Variants in UGT1A10 observed in about 807,000 individuals in gnomAD.
The protein encoded by UGT1A10 is UDP-glucuronosyltransferase 1A10.
A neutral mutation model predicts 45.8 loss-of-function variants in UGT1A10; 49 were observed. The observed-to-expected ratio is 1.07, with a 90% CI of 0.85 to 1.36. The LOEUF (loss-of-function observed/expected upper bound fraction) is 1.36, where lower values mean the gene tolerates loss of function less well. Among genes scored for constraint, UGT1A10 ranks in the 40% most tolerant of loss-of-function variants. The pLI is 0.00. For synonymous variants in UGT1A10, 284 were observed against 249.7 expected (o/e 1.14, Z -1.29); for missense variants, 745 against 668.6 (o/e 1.11, Z -1.26).
chr2:233,743,757 C>T, intron 1 of UGT1A10: 2 of 1,367,374 alleles, frequency 1.5e-6, no homozygotes, highest in Non-Finnish European at 2.0e-6. Flanking sequence ...GACAACACCT[C>T]GTAGGCCTCG....
intron 1 of UGT1A10, among the ~76,000 whole-genome samples, chr2:233,684,036 T>A (rs1038069195): frequency 2.6e-5 from 4 of 152,206 alleles, no homozygotes; most frequent in Admixed American, 6.5e-5. Context: ...AGTTGCTAAA[T>A]CCAGGTGAAA....
chr2:233,703,301 T>C (rs2075730919), intron 1 of UGT1A10, among the ~76,000 whole-genome samples: 1 of 150,038 alleles, frequency 6.7e-6, no homozygotes, highest in Non-Finnish European at 1.5e-5. Flanking sequence ...ATTCCCTCTT[T>C]CATTTCATAT....
intron 1 of UGT1A10, among the ~76,000 whole-genome samples, chr2:233,667,798 C>T (rs2074108403): frequency 6.6e-6 from 1 of 152,158 alleles, no homozygotes; most frequent in Non-Finnish European, 1.5e-5. Flanking sequence ...TCATCACTGG[C>T]CATCTGAGAA....
chr2:233,768,579 CTTCT>C (rs1699650824), intron 4 of UGT1A10, 140 bp downstream of exon 4: 12 of 934,830 alleles, frequency 1.3e-5, no homozygotes, highest in African/African-American at 2.0e-5. Flanking sequence ...ATTTTTATTT[CTTCT>C]TTTTTTTTTT....
Position 233,638,136 on chromosome 2 carries a change from A to G in UGT1A10, c.855+759A>G, listed in dbSNP as rs576008074. ...GTTTTCCTGAATTGAGAAGACTGGC[A>G]TCTTTTTGCTATTAAGTCTTCCTGT... On this transcript the variant is annotated intron_variant, in intron 1 of 4. Coordinates refer to ENST00000344644, the MANE Select transcript of UGT1A10 (RefSeq NM_019075.4). Among the ~76,000 whole-genome samples, 6 of 152,298 alleles carry G rather than the reference A, an allele frequency of 3.9e-5. No individual in the cohort carries two copies. The South Asian group carries it at 8.3e-4, about 21-fold the overall frequency.
At chr2:233,704,471 C>A (rs1485510599) in intron 1 of UGT1A10, among the ~76,000 whole-genome samples, 1 of 152,068 alleles carries the variant, frequency 6.6e-6, no homozygotes, top group Admixed American at 6.6e-5. Context: ...TATTTCCTTT[C>A]TCCCCTTTTT....
At chr2:233,747,178 G>A (rs1378396151) in intron 1 of UGT1A10, 1 of 1,600,996 alleles carries the variant, frequency 6.2e-7, no homozygotes, top group African/African-American at 1.3e-5. Context: ...GGCACAGCGT[G>A]GGGTGGACAG....
chr2:233,747,283 C>A (rs1693610010), intron 1 of UGT1A10: 1 of 1,600,180 alleles, frequency 6.2e-7, no homozygotes, highest in Admixed American at 1.7e-5. Flanking sequence ...CAGTGCCCAG[C>A]CCTGGGCTGA....
intron 1 of UGT1A10, chr2:233,689,856 A>G (rs2074962856): frequency 2.2e-6 from 1 of 455,870 alleles, no homozygotes; most frequent in Admixed American, 2.4e-5. Flanking sequence ...GTTTTAGGCT[A>G]CTATTACCTT....
At chr2:233,746,798 G>A (rs1477118047) in intron 1 of UGT1A10, among the ~76,000 whole-genome samples, 2 of 151,768 alleles carry the variant, frequency 1.3e-5, no homozygotes, top group East Asian at 1.9e-4. Context: ...ATTCATGAGC[G>A]TGAATGTGGA....
At chr2:233,713,005 T>C (rs1170643319) in intron 1 of UGT1A10, 6 of 1,613,446 alleles carry the variant, frequency 3.7e-6, no homozygotes, top group Non-Finnish European at 5.1e-6. Flanking sequence ...GCCACAGGAC[T>C]CCAGGTTCCC....
rs541889262 is a variant in UGT1A10 at position 233,732,819 on chromosome 2, A to T, written c.856-34215A>T. 7.3e-4 allele frequency among the ~76,000 whole-genome samples: 110 copies of T among 150,442 alleles called. 1 individual carries two copies. The highest frequency in any genetic ancestry group is 2.7e-3 in the African/African-American group (109 of 40,796). On this transcript the variant is annotated intron_variant, in intron 1 of 4. Coordinates refer to ENST00000344644, the MANE Select transcript of UGT1A10 (RefSeq NM_019075.4). The stretch of plus-strand genomic sequence containing the variant: ...CAGGCTCTTTTTTGATTCCATATGA[A>T]CTTTAAAGTAGTTTTTTCCAATTTT...
chr2:233,704,960 A>G (rs940075749), intron 1 of UGT1A10, among the ~76,000 whole-genome samples: 1 of 152,052 alleles, frequency 6.6e-6, no homozygotes, highest in Admixed American at 6.6e-5. Flanking sequence ...ACATGGTGAA[A>G]CCCCATCTCT....
chr2:233,765,183 T>A (rs1157736453), intron 1 of UGT1A10, among the ~76,000 whole-genome samples: 1 of 152,162 alleles, frequency 6.6e-6, no homozygotes. Flanking sequence ...CCCTGCCACA[T>A]CACACAATCA....
intron 1 of UGT1A10, among the ~76,000 whole-genome samples, chr2:233,653,892 C>A (rs1252009906): frequency 6.6e-6 from 1 of 152,152 alleles, no homozygotes; most frequent in Non-Finnish European, 1.5e-5. Flanking sequence ...CCACCACGCC[C>A]GGCCAAGAAA....
At chr2:233,717,649 C>G in intron 1 of UGT1A10, 1 of 403,118 alleles carries the variant, frequency 2.5e-6, no homozygotes, top group East Asian at 7.2e-5. Context: ...GCGACCAGGA[C>G]AAGGAAGCAT....
At chr2:233,672,332 T>C in intron 1 of UGT1A10, 3 of 1,614,164 alleles carry the variant, frequency 1.9e-6, no homozygotes, top group African/African-American at 2.7e-5. Context: ...GACAAAAAAT[T>C]AGTAGAATAC....
rs919221213 is a variant in UGT1A10 at position 233,772,323 on chromosome 2, G to T, written c.1357G>T (p.Asp453Tyr). 1.9e-6 allele frequency: 3 copies of T among 1,614,164 alleles called. No individual in the cohort carries two copies. Among genetic ancestry groups the T allele is most frequent in the Non-Finnish European group, 2.5e-6 (3 of 1,180,042 alleles). Residue 453 changes from aspartate to tyrosine, a missense_variant, in exon 5 of 5, where the codon GAC (aspartate) becomes TAC (tyrosine). Asp to Tyr is a radical substitution (Grantham distance 160). Coordinates refer to ENST00000344644, the MANE Select transcript of UGT1A10 (RefSeq NM_019075.4). Reference protein sequence around the residue: ...LHKDRPVEPLDLAVFWVEFVM... With the variant: ...LHKDRPVEPLYLAVFWVEFVM... ...CAAGGACCGCCCGGTGGAGCCGCTG[G>T]ACCTGGCCGTGTTCTGGGTGGAGTT...
rs1382076125 is a variant in UGT1A10 at position 233,636,626 on chromosome 2, G to T, written c.104G>T (p.Gly35Val). 1.2e-6 allele frequency: 2 copies of T among 1,614,144 alleles called. No individual in the cohort carries two copies. Among genetic ancestry groups the T allele is most frequent in the Non-Finnish European group, 1.7e-6 (2 of 1,180,020 alleles). The change falls in exon 1 of 5, where the codon GGG becomes GTG. Residue 35 changes from glycine (G) to valine (V), a missense_variant. Physicochemically the swap from Gly to Val is moderately radical, Grantham distance 109. Coordinates refer to ENST00000344644, the MANE Select transcript of UGT1A10 (RefSeq NM_019075.4). ...AGKLLVVPMDGSHWFTMQSVV... is the reference protein window; with the variant it reads ...AGKLLVVPMDVSHWFTMQSVV... ...AAGCTGCTGGTAGTGCCCATGGATG[G>T]GAGTCACTGGTTCACCATGCAGTCG...
Sources: allele counts gnomAD v4.1 joint callset (sites outside exome capture counted in the v4.1 genomes callset), GRCh38; gene constraint gnomAD v4.1.1; transcripts MANE v1.5; gene names NCBI Gene and HGNC (gene_info 2026-07-23, HGNC 2026-07-21).